Variants in CTPS2 observed in about 807,000 individuals in gnomAD.
CTPS2 encodes CTP synthase 2.
In CTPS2, 19 loss-of-function variants were observed where a neutral mutation model predicts 46.8. The observed-to-expected ratio is 0.41, with a 90% CI of 0.28 to 0.60. CTPS2 has a LOEUF of 0.60. Among genes scored for constraint, CTPS2 ranks in the 20% least tolerant of loss-of-function variants. The pLI is 0.35. For synonymous variants in CTPS2, 151 were observed against 165.2 expected (o/e 0.91, Z 0.66); for missense variants, 286 against 447.6 (o/e 0.64, Z 3.26).
At chrX:16,593,647 C>A (rs1219543792) in intron 17 of CTPS2, among the ~76,000 whole-genome samples, 2 of 102,178 alleles carry the variant, frequency 2.0e-5, no homozygotes, top group Non-Finnish European at 3.9e-5. Context: ...TGCATGCTCA[C>A]TTCCTTCTCT....
rs753457091 is a variant in CTPS2 at position 16,674,701 on chromosome X, G to A, written c.1094+3661C>T. ...AAAATACAAAAAATTAGCCGGGCGT[G>A]GTGGCAGGCGCCTGTAGTCCCAGCT... On this transcript the variant is annotated intron_variant, in intron 10 of 18. Coordinates refer to ENST00000359276, the MANE Select transcript of CTPS2 (RefSeq NM_175859.3). Among the ~76,000 whole-genome samples, 861 of 106,904 alleles carry A rather than the reference G, an allele frequency of 8.1e-3. 8 individuals are homozygous for A. Among genetic ancestry groups the A allele is most frequent in the African/African-American group, 0.028 (811 of 28,953 alleles). The allele number at this position is 106,904 out of a possible 115,157, so 92.8% of individuals were successfully genotyped here. A position where few individuals can be genotyped will look rare whatever the true frequency, so the allele number is the denominator to read the frequency against.
intron 11 of CTPS2, among the ~76,000 whole-genome samples, chrX:16,669,127 C>T (rs1285059217): frequency 9.3e-6 from 1 of 108,103 alleles, no homozygotes; most frequent in Non-Finnish European, 1.9e-5. Flanking sequence ...CCACAGTGGG[C>T]TTGAGCATGG....
chrX:16,678,242 A>G, intron 10 of CTPS2, 120 bp downstream of exon 10: 2 of 534,633 alleles, frequency 3.7e-6, no homozygotes, highest in Non-Finnish European at 6.7e-6. Context: ...TGCAAAGACC[A>G]CAAGTACTCC....
intron 10 of CTPS2, among the ~76,000 whole-genome samples, chrX:16,672,881 CTTTT>C (rs1185799196): frequency 0.011 from 761 of 69,523 alleles, 5 homozygotes; most frequent in African/African-American, 0.049. Flanking sequence ...TGAGGCTACT[CTTTT>C]TTTTTTTTTT....
At chrX:16,601,192 G>C (rs1249195100) in intron 17 of CTPS2, among the ~76,000 whole-genome samples, 1 of 111,550 alleles carries the variant, frequency 9.0e-6, no homozygotes, top group Non-Finnish European at 1.9e-5. Context: ...GCTGGAAACA[G>C]AATGTCGGAT....
chrX:16,664,028 A>G lies in CTPS2; in HGVS notation c.1296+3486T>C, dbSNP rs758744826. 4.9e-3 allele frequency among the ~76,000 whole-genome samples: 544 copies of G among 110,919 alleles called. 2 individuals are homozygous for G. The highest frequency in any genetic ancestry group is 0.019 in the Middle Eastern group (4 of 216). ...TTTCTTTATGTTTTTAGTAGAGACAAAGTTTCACCATGTTAGCCAGGATGG... is the reference window on the plus strand; with the variant it reads ...TTTCTTTATGTTTTTAGTAGAGACAGAGTTTCACCATGTTAGCCAGGATGG... On this transcript the variant is annotated intron_variant, in intron 13 of 18. Transcript: ENST00000359276.
chrX:16,593,718 G>A (rs1307943223), intron 17 of CTPS2, among the ~76,000 whole-genome samples: 2 of 110,118 alleles, frequency 1.8e-5, no homozygotes, highest in Non-Finnish European at 3.8e-5. Context: ...AGAATAAGGA[G>A]AGGAGATAGA....
chrX:16,660,549 G>A (rs186719854), intron 13 of CTPS2, among the ~76,000 whole-genome samples: 2 of 110,662 alleles, frequency 1.8e-5, no homozygotes, highest in Admixed American at 9.7e-5. Context: ...CTACAGGCAC[G>A]TGCCACCATG....
At chrX:16,653,361 G>C (rs895252409) in intron 13 of CTPS2, among the ~76,000 whole-genome samples, 2 of 112,240 alleles carry the variant, frequency 1.8e-5, no homozygotes, top group Admixed American at 1.9e-4. Context: ...TGTGGTCCCA[G>C]AGCAGCAGCA....
intron 14 of CTPS2, 57 bp from the exon 15 acceptor site, chrX:16,620,389 C>G: frequency 1.1e-6 from 1 of 937,462 alleles, no homozygotes; most frequent in Non-Finnish European, 1.5e-6. Flanking sequence ...CAAGCACATC[C>G]ATGATGCTTT....
At chrX:16,680,744 T>C (rs1347935501) in intron 9 of CTPS2, among the ~76,000 whole-genome samples, 1 of 110,777 alleles carries the variant, frequency 9.0e-6, no homozygotes, top group Non-Finnish European at 1.9e-5. Flanking sequence ...AAACTATTCC[T>C]TAGAAAGCCA....
intron 13 of CTPS2, among the ~76,000 whole-genome samples, chrX:16,643,807 C>G (rs1363985889): frequency 1.8e-5 from 2 of 110,496 alleles, no homozygotes; most frequent in South Asian, 7.9e-4. Flanking sequence ...CCACAGCTAG[C>G]TGGGGCCATT....
At chrX:16,662,547 C>G (rs977118623) in intron 13 of CTPS2, among the ~76,000 whole-genome samples, 2 of 110,816 alleles carry the variant, frequency 1.8e-5, no homozygotes, top group Non-Finnish European at 3.8e-5. Context: ...TAAATATTCC[C>G]TATAGAAGGC....
chrX:16,689,606 G>T lies in CTPS2; in HGVS notation c.721-5C>A, dbSNP rs1923525304. 1 of 1,194,967 alleles carries T rather than the reference G, an allele frequency of 8.4e-7. No homozygotes were observed. Among genetic ancestry groups the T allele is most frequent in the Non-Finnish European group, 1.1e-6 (1 of 885,824 alleles). On this transcript the variant is annotated splice_polypyrimidine_tract_variant and splice_region_variant and intron_variant, in intron 7 of 18. Coordinates refer to ENST00000359276, the MANE Select transcript of CTPS2 (RefSeq NM_175859.3). Reference sequence around the variant, plus strand: ...AACATCATGGATACATATGACCTAAGTGGCGATGAGAAATCACCATACTTA... The same window carrying T: ...AACATCATGGATACATATGACCTAATTGGCGATGAGAAATCACCATACTTA...
chrX:16,591,358 G>T, intron 17 of CTPS2, among the ~76,000 whole-genome samples: 1 of 111,424 alleles, frequency 9.0e-6, no homozygotes, highest in Non-Finnish European at 1.9e-5. Context: ...CTGAGGTTGA[G>T]CATCACTTAG....
rs1337401193 is a variant in CTPS2, at chrX:16,698,307, C to G, written c.367G>C (p.Glu123Gln). 8.3e-7 allele frequency: 1 copy of G among 1,203,195 alleles called. No individual in the cohort carries two copies. Among genetic ancestry groups the G allele is most frequent in the South Asian group, 1.8e-5 (1 of 56,729 alleles). ...ACCTTGGCTTGATTCATAACCCACT[C>G]CTGGACAGCATCAGTAATGTGAGGG... is the stretch of plus-strand genomic sequence containing the variant. ...VVPHITDAVQ[E>Q]WVMNQAKVPV... is the part of the protein sequence containing the mutation. Residue 123 changes from glutamate (E) to glutamine (Q), a missense_variant, in exon 4 of 19, where the codon GAG (glutamate) becomes CAG (glutamine). Coordinates refer to ENST00000359276, the MANE Select transcript of CTPS2 (RefSeq NM_175859.3).
chrX:16,697,507 A>C (rs968578422), intron 4 of CTPS2, among the ~76,000 whole-genome samples: 1 of 102,602 alleles, frequency 9.7e-6, no homozygotes, highest in African/African-American at 3.7e-5. Context: ...GTGCTGGTGC[A>C]ATCACTGCTC....
chrX:16,626,251 G>GAC (rs1931142833), intron 14 of CTPS2, among the ~76,000 whole-genome samples: 2 of 111,024 alleles, frequency 1.8e-5, no homozygotes, highest in Non-Finnish European at 3.8e-5. Context: ...GCGTGGTGGT[G>GAC]GACACCTGTA....
intron 13 of CTPS2, chrX:16,650,857 C>T (rs946684306): frequency 2.0e-5 from 10 of 499,877 alleles, no homozygotes; most frequent in South Asian, 6.6e-5. Flanking sequence ...GGTGCCATTC[C>T]GACCCCGACA....
Sources: allele counts gnomAD v4.1 joint callset (sites outside exome capture counted in the v4.1 genomes callset), GRCh38; gene constraint gnomAD v4.1.1; transcripts MANE v1.5; gene names NCBI Gene and HGNC (gene_info 2026-07-23, HGNC 2026-07-21).